KMT2C: variants seen among roughly 807,000 people sequenced by gnomAD.
KMT2C encodes histone-lysine N-methyltransferase 2C.
Under a neutral mutation model 507.9 loss-of-function variants are expected in KMT2C, and 88 were observed. That is an observed-to-expected ratio of 0.17 (90% CI 0.15 to 0.21). The LOEUF is 0.21. Ranked by LOEUF, KMT2C falls within the 10% of genes least tolerant of loss-of-function variation. The probability of loss-of-function intolerance (pLI) is 1.00; values close to 1 mark genes in which losing one functional copy is unlikely to be tolerated. For synonymous variants in KMT2C, 2,049 were observed against 2,080.8 expected (o/e 0.98, Z 0.42); for missense variants, 4,954 against 5,957.8 (o/e 0.83, Z 5.55).
At position 152,163,314 on chromosome 7, in the gene KMT2C, T is replaced by C; in HGVS notation, c.10263A>G (p.Arg3421=). The C allele has an allele frequency of 1.2e-6, 2 of 1,614,222 alleles. No homozygotes were observed. Among genetic ancestry groups the C allele is most frequent in the Non-Finnish European group, 1.7e-6 (2 of 1,180,034 alleles). Residue 3421 remains arginine (R), a synonymous_variant, in exon 43 of 59, where the codon AGA becomes AGG. Coordinates refer to ENST00000262189, the MANE Select transcript of KMT2C (RefSeq NM_170606.3). ...QRIQLMQEVD[R]QRALQQRMEM... is the part of the protein sequence containing the mutation. ...CCATCCTCTGCTGCAAAGCTCTTTG[T>C]CTATCTACCTCCTGCATGAGTTGGA...
intron 6 of KMT2C, among the ~76,000 whole-genome samples, chr7:152,278,213 T>TG (rs1367053966): frequency 1.3e-5 from 2 of 152,164 alleles, no homozygotes; most frequent in Non-Finnish European, 2.9e-5. Context: ...CCTTTGCTCC[T>TG]GTTCTGGCTA....
chr7:152,384,288 C>G (rs562853505), intron 1 of KMT2C, among the ~76,000 whole-genome samples: 257 of 152,250 alleles, frequency 1.7e-3, no homozygotes, highest in African/African-American at 6.0e-3. Flanking sequence ...GACTTAAAAC[C>G]CATACTACCT....
chr7:152,392,506 G>A (rs529929272), intron 1 of KMT2C, among the ~76,000 whole-genome samples: 243 of 152,270 alleles, frequency 1.6e-3, no homozygotes, highest in Admixed American at 3.3e-3. Flanking sequence ...AAGGGCTATG[G>A]AACTGTTCTC....
In KMT2C at chr7:152,239,488, A is replaced by G. The variant is rs2095344942; in HGVS notation, c.2533-662T>C. Among the ~76,000 whole-genome samples, 2 of 152,252 alleles carry G rather than the reference A, an allele frequency of 1.3e-5. 1 individual carries two copies. The highest frequency in any genetic ancestry group is 4.1e-4 in the South Asian group (2 of 4,836). The stretch of plus-strand genomic sequence containing the variant: ...GAATACTTTATGGAAATTACATCCA[A>G]TGGACAAAAGTGAAGAAACGTTAAA... On this transcript the variant is annotated intron_variant, in intron 14 of 58. Coordinates refer to ENST00000262189, the MANE Select transcript of KMT2C (RefSeq NM_170606.3).
chr7:152,337,494 A>T (rs2096947282), intron 2 of KMT2C, among the ~76,000 whole-genome samples: 1 of 152,192 alleles, frequency 6.6e-6, no homozygotes, highest in African/African-American at 2.4e-5. Context: ...TATCCTACAC[A>T]AATTGGTTCT....
chr7:152,389,352 C>CA (rs386411673), intron 1 of KMT2C, among the ~76,000 whole-genome samples: 6,170 of 77,406 alleles, frequency 0.08, 715 homozygotes, highest in African/African-American at 0.23. Context: ...GACTCCGTCT[C>CA]AAAAAAAAAA....
chr7:152,171,251 C>G lies in KMT2C; in HGVS notation c.9453+13G>C, dbSNP rs1411088962. 2 of 1,582,074 alleles carry G rather than the reference C, an allele frequency of 1.3e-6. No individual in the cohort carries two copies. Among genetic ancestry groups the G allele is most frequent in the Non-Finnish European group, 1.7e-6 (2 of 1,159,282 alleles). Reference sequence around the variant, plus strand: ...GCGTGCATTCTAGAGGGACTCATTACAGGCAGTGTTACCTGAGGAATGGCC... The same window carrying G: ...GCGTGCATTCTAGAGGGACTCATTAGAGGCAGTGTTACCTGAGGAATGGCC... On this transcript the variant is annotated intron_variant, in intron 40 of 58. Coordinates refer to ENST00000262189, the MANE Select transcript of KMT2C (RefSeq NM_170606.3).
chr7:152,383,101 CT>C (rs1441853699), intron 1 of KMT2C, among the ~76,000 whole-genome samples: 3 of 152,300 alleles, frequency 2.0e-5, no homozygotes, highest in African/African-American at 7.2e-5. Context: ...CATTTTTCTA[CT>C]TTTCTATATT....
At chr7:152,280,883 A>G (rs1337298019) in intron 6 of KMT2C, among the ~76,000 whole-genome samples, 1 of 152,120 alleles carries the variant, frequency 6.6e-6, no homozygotes, top group Admixed American at 6.5e-5. Flanking sequence ...ACATTACACA[A>G]TGTCTTAACA....
At chr7:152,310,707 T>C (rs1713002148) in intron 5 of KMT2C, among the ~76,000 whole-genome samples, 1 of 151,764 alleles carries the variant, frequency 6.6e-6, no homozygotes, top group Non-Finnish European at 1.5e-5. Flanking sequence ...TGAGACAGGG[T>C]CTCACTTTTT....
chr7:152,139,929 G>A, intron 55 of KMT2C, 138 bp from the exon 56 acceptor site: 1 of 656,676 alleles, frequency 1.5e-6, no homozygotes, highest in East Asian at 2.6e-5. Context: ...TTTTGAATAT[G>A]CTATTTTCTG....
At chr7:152,222,177 ATGTT>A (rs2094793432) in intron 21 of KMT2C, 111 bp from the exon 22 acceptor site, 1 of 692,842 alleles carries the variant, frequency 1.4e-6, no homozygotes, top group Non-Finnish European at 2.3e-6. Flanking sequence ...ATTAAAATAA[ATGTT>A]TGAACACTAA....
chr7:152,223,151 G>T (rs943505015), intron 20 of KMT2C, among the ~76,000 whole-genome samples: 1 of 152,148 alleles, frequency 6.6e-6, no homozygotes, highest in Non-Finnish European at 1.5e-5. Flanking sequence ...TTAGTAGCCA[G>T]AGTCCCAAGA....
chr7:152,200,738 T>C (rs956372646), intron 26 of KMT2C, among the ~76,000 whole-genome samples: 2 of 152,114 alleles, frequency 1.3e-5, no homozygotes, highest in Admixed American at 6.5e-5. Flanking sequence ...AAAAAAAAAT[T>C]AGAAAGTTCA....
At position 152,163,046 on chromosome 7, in the gene KMT2C, C is replaced by A. The variant is rs1210087970; in HGVS notation, c.10531G>T (p.Gly3511Cys). 1.2e-6 allele frequency: 2 copies of A among 1,614,176 alleles called. No homozygotes were observed. The highest frequency in any genetic ancestry group is 4.5e-5 in the East Asian group (2 of 44,880). ...FMQTNERRQV[G>C]PPSFVPDSPS... The stretch of plus-strand genomic sequence containing the variant: ...GAATCAGGAACAAATGAAGGAGGGC[C>A]TACCTGCCTTCGCTCATTAGTCTGC... The change falls in exon 43 of 59, where the codon GGC becomes TGC. Residue 3511 changes from glycine to cysteine, a missense_variant. By Grantham distance (159) the Gly-to-Cys change is radical (BLOSUM62 -3). Coordinates refer to ENST00000262189, the MANE Select transcript of KMT2C (RefSeq NM_170606.3).
chr7:152,313,416 G>A (rs561981863), intron 4 of KMT2C, among the ~76,000 whole-genome samples: 7 of 152,152 alleles, frequency 4.6e-5, no homozygotes, highest in African/African-American at 1.7e-4. Context: ...TTTGAGACTG[G>A]TTTGTATGTA....
At chr7:152,235,108 C>T (rs1021108423) in intron 16 of KMT2C, among the ~76,000 whole-genome samples, 26 of 151,660 alleles carry the variant, frequency 1.7e-4, no homozygotes, top group East Asian at 1.9e-4. Flanking sequence ...GGGACAAGGA[C>T]GGATGGCAGG....
At chr7:152,338,521 T>C (rs1374435562) in intron 2 of KMT2C, among the ~76,000 whole-genome samples, 1 of 152,152 alleles carries the variant, frequency 6.6e-6, no homozygotes, top group African/African-American at 2.4e-5. Context: ...CAGAAAGGTA[T>C]TAGAAGCCCA....
At chr7:152,324,598 T>G (rs1477332226) in intron 3 of KMT2C, among the ~76,000 whole-genome samples, 1 of 151,884 alleles carries the variant, frequency 6.6e-6, no homozygotes, top group East Asian at 1.9e-4. Flanking sequence ...GGGAGCAAAT[T>G]TATGGAATAC....
Sources: gnomAD v4.1 joint callset for allele counts (sites outside exome capture counted in the v4.1 genomes callset) on GRCh38, gnomAD v4.1.1 for gene constraint, MANE v1.5 for transcripts, NCBI Gene and HGNC (gene_info 2026-07-23, HGNC 2026-07-21) for gene names.